ADARB2: variants seen among roughly 807,000 people sequenced by gnomAD.
ADARB2 encodes the protein adenosine deaminase RNA specific B2 (inactive), also known as inactive double-stranded RNA-specific editase B2.
In ADARB2, 25 loss-of-function variants were observed where a neutral mutation model predicts 62.2. That is an observed-to-expected ratio of 0.40 (90% confidence interval 0.29 to 0.56). The LOEUF (loss-of-function observed/expected upper bound fraction) is 0.56, where lower values mean the gene tolerates loss of function less well. Ranked by LOEUF, ADARB2 falls within the 20% of genes least tolerant of loss-of-function variation. The probability of loss-of-function intolerance (pLI) is 0.43; values close to 1 mark genes in which losing one functional copy is unlikely to be tolerated. For missense variants in ADARB2, 1,071 were observed against 1,077.4 expected (o/e 0.99, Z 0.08); for synonymous variants, 572 against 500.8 (o/e 1.14, Z -1.90).
intron 3 of ADARB2, among the ~76,000 whole-genome samples, chr10:1,299,869 C>T (rs554864151): frequency 1.3e-5 from 2 of 152,344 alleles, no homozygotes; most frequent in East Asian, 1.9e-4. Flanking sequence ...CTCTTCCCTG[C>T]TCTGTGTCTC....
rs973903550 is a variant in ADARB2, at chr10:1,310,418, C to T, written c.1078-39349G>A. 5.9e-5 allele frequency among the ~76,000 whole-genome samples: 9 copies of T among 152,302 alleles called. No individual in the cohort carries two copies. In the South Asian group the frequency reaches 1.0e-3, roughly 18 times the overall value. ...TCCTTCATTGACTCTGAATAACATT[C>T]CTTCATTGACTCTGAATAACATTCC... On this transcript the variant is annotated intron_variant, in intron 3 of 9. Transcript: ENST00000381312.
intron 1 of ADARB2, among the ~76,000 whole-genome samples, chr10:1,408,617 A>G (rs915827353): frequency 1.3e-5 from 2 of 152,116 alleles, no homozygotes; most frequent in African/African-American, 2.4e-5. Context: ...GTGCAATTTT[A>G]AAAGCTTGCT....
rs1057322793 is a variant in ADARB2, at chr10:1,737,419, G to T, written c.-269C>A. 7 of 459,174 alleles carry T rather than the reference G, an allele frequency of 1.5e-5. No individual in the cohort carries two copies. Among genetic ancestry groups the T allele is most frequent in the African/African-American group, 1.4e-4 (7 of 50,372 alleles). 28.4% of individuals were successfully genotyped at this position (459,174 alleles called of 1,614,324 possible). ...GGGAGGGCGGGGAAGGGCGCGCGGC[G>T]TCCTGAGTGCTCCGAGCTTCCCGCG... is the stretch of plus-strand genomic sequence containing the variant. On this transcript the variant is annotated 5_prime_UTR_variant, in exon 1 of 10. Transcript: ENST00000381312.
chr10:1,229,816 T>TTG (rs1564228292), intron 6 of ADARB2, among the ~76,000 whole-genome samples: 5 of 118,806 alleles, frequency 4.2e-5, no homozygotes, highest in Admixed American at 4.0e-4. Flanking sequence ...GTACATGTAC[T>TTG]TATGTATGTT....
chr10:1,432,192 GTAAC>G (rs1487632965), intron 1 of ADARB2, among the ~76,000 whole-genome samples: 1 of 150,524 alleles, frequency 6.6e-6, no homozygotes, highest in Non-Finnish European at 1.5e-5. Context: ...TGCAGAGATA[GTAAC>G]TGAATGAATG....
At chr10:1,298,720 ATTTTTTTTTTTTTTTTTTTTTTTTT>A (rs75978268) in intron 3 of ADARB2, among the ~76,000 whole-genome samples, 33 of 110,776 alleles carry the variant, frequency 3.0e-4, no homozygotes, top group South Asian at 7.7e-4. Flanking sequence ...TGCGACGGGA[ATTTTTTTTTTTTTTTTTTTTTTTTT>A]TTTTTTTTTT....
intron 1 of ADARB2, among the ~76,000 whole-genome samples, chr10:1,581,404 G>C (rs1457360452): frequency 6.6e-6 from 1 of 152,236 alleles, no homozygotes; most frequent in East Asian, 1.9e-4. Context: ...CAGGAGCTCA[G>C]GCGGCCACGT....
chr10:1,380,731 C>T (rs1247119178), intron 1 of ADARB2, among the ~76,000 whole-genome samples: 2 of 152,194 alleles, frequency 1.3e-5, no homozygotes, highest in Admixed American at 1.3e-4. Context: ...CTTTGTTCTA[C>T]CGAACAAGAA....
intron 1 of ADARB2, among the ~76,000 whole-genome samples, chr10:1,422,988 A>G (rs555984330): frequency 9.1e-4 from 138 of 152,254 alleles, no homozygotes; most frequent in African/African-American, 3.1e-3. Flanking sequence ...AGAGCCCTGC[A>G]GCTAGATGTT....
intron 1 of ADARB2, among the ~76,000 whole-genome samples, chr10:1,633,333 G>A (rs560917515): frequency 1.3e-5 from 2 of 152,054 alleles, no homozygotes; most frequent in African/African-American, 4.8e-5. Flanking sequence ...TCCAAAATCC[G>A]CAATGCTCCA....
chr10:1,624,125 T>C (rs1833739201), intron 1 of ADARB2, among the ~76,000 whole-genome samples: 1 of 151,994 alleles, frequency 6.6e-6, no homozygotes, highest in Non-Finnish European at 1.5e-5. Context: ...TCCCAGCTAT[T>C]TGGGAGGCTG....
At chr10:1,424,601 G>A (rs765927332) in intron 1 of ADARB2, among the ~76,000 whole-genome samples, 2 of 152,004 alleles carry the variant, frequency 1.3e-5, no homozygotes, top group African/African-American at 2.4e-5. Flanking sequence ...TAGTGCCCAC[G>A]GAAGCTTGGT....
At chr10:1,425,947 C>A (rs905948023) in intron 1 of ADARB2, among the ~76,000 whole-genome samples, 4 of 152,288 alleles carry the variant, frequency 2.6e-5, no homozygotes, top group Admixed American at 6.5e-5. Context: ...AATGACCCGA[C>A]GTGGAGCTGA....
At chr10:1,410,793 G>A (rs528767754) in intron 1 of ADARB2, among the ~76,000 whole-genome samples, 6 of 152,264 alleles carry the variant, frequency 3.9e-5, no homozygotes, top group South Asian at 4.1e-4. Flanking sequence ...TTTTACCTGC[G>A]TAAACAAGCG....
intron 4 of ADARB2, among the ~76,000 whole-genome samples, chr10:1,252,266 A>T (rs1831043750): frequency 6.6e-6 from 1 of 152,272 alleles, no homozygotes; most frequent in Non-Finnish European, 1.5e-5. Flanking sequence ...TTTCAAAATT[A>T]TAGAAGATAT....
chr10:1,638,471 T>C (rs191657016), intron 1 of ADARB2, among the ~76,000 whole-genome samples: 1 of 152,012 alleles, frequency 6.6e-6, no homozygotes, highest in African/African-American at 2.4e-5. Flanking sequence ...ATTGAGACCT[T>C]ATAAAGCTTT....
chr10:1,425,201 G>C (rs1295853155), intron 1 of ADARB2, among the ~76,000 whole-genome samples: 5 of 152,102 alleles, frequency 3.3e-5, no homozygotes, highest in African/African-American at 1.2e-4. Flanking sequence ...ACGGTTTCAG[G>C]AACAAGAATT....
At chr10:1,221,565 C>A (rs1403638589) in intron 6 of ADARB2, among the ~76,000 whole-genome samples, 2 of 151,750 alleles carry the variant, frequency 1.3e-5, no homozygotes, top group Non-Finnish European at 2.9e-5. Flanking sequence ...TATCCCTCCC[C>A]CCTCACCCCA....
In ADARB2 at chr10:1,242,923, C is replaced by T. The variant is rs553510403; in HGVS notation, c.1193-624G>A. Reference sequence around the variant, plus strand: ...ACAAAGAAACCTCAAAAACAACCCCCAACGTAATGTCCTTAAAGTATAATA... The same window carrying T: ...ACAAAGAAACCTCAAAAACAACCCCTAACGTAATGTCCTTAAAGTATAATA... On this transcript the variant is annotated intron_variant, in intron 4 of 9. Coordinates refer to ENST00000381312, the MANE Select transcript of ADARB2 (RefSeq NM_018702.4). Among the ~76,000 whole-genome samples, 7 of 152,314 alleles carry T rather than the reference C, an allele frequency of 4.6e-5. No individual in the cohort carries two copies. In the South Asian group the frequency reaches 1.0e-3, roughly 23 times the overall value.
Sources: gnomAD v4.1 joint callset for allele counts (sites outside exome capture counted in the v4.1 genomes callset) on GRCh38, gnomAD v4.1.1 for gene constraint, MANE v1.5 for transcripts, NCBI Gene and HGNC (gene_info 2026-07-23, HGNC 2026-07-21) for gene names.